TBKBP1: variants seen among roughly 807,000 people sequenced by gnomAD.
TBKBP1 encodes TANK-binding kinase 1-binding protein 1.
In TBKBP1, 47 loss-of-function variants were observed where a neutral mutation model predicts 69.9. The observed-to-expected ratio is 0.67, with a 90% CI of 0.53 to 0.86. TBKBP1 has a LOEUF of 0.86. Among genes scored for constraint, TBKBP1 ranks in the 40% least tolerant of loss-of-function variants. The pLI is 0.00. For missense variants in TBKBP1, 831 were observed against 858.6 expected, an observed-to-expected ratio of 0.97 and a Z score of 0.40; for synonymous variants, 418 against 390.3, an observed-to-expected ratio of 1.07 and a Z score of -0.84.
chr17:47,710,458 G>A, intron 9 of TBKBP1, 40 bp from the exon 10 acceptor site: 1 of 1,584,430 alleles, frequency 6.3e-7, no homozygotes, highest in African/African-American at 1.3e-5. Flanking sequence ...ACCATGGGTG[G>A]GGGCTGGGGA....
In TBKBP1 at chr17:47,699,834, T is replaced by C. The variant is rs1422634585; in HGVS notation, c.872+137T>C. 3.9e-6 allele frequency: 4 copies of C among 1,037,776 alleles called. No individual in the cohort carries two copies. In the Admixed American group the frequency reaches 9.6e-5, roughly 25 times the overall value. The allele number at this position is 1,037,776 out of a possible 1,614,324, so 64.3% of individuals were successfully genotyped here. On this transcript the variant is annotated intron_variant, in intron 7 of 9. Transcript: ENST00000578982. ...GAAGGAGGTGGGGTTCTTTTTTTTT[T>C]TTTTTGAGATGGAGTTTCGCTCTTG...
At chr17:47,701,282 C>G (rs538014050) in intron 7 of TBKBP1, among the ~76,000 whole-genome samples, 7 of 152,024 alleles carry the variant, frequency 4.6e-5, no homozygotes, top group African/African-American at 1.7e-4. Context: ...GAGGGTCCAC[C>G]CTAGCTTGTG....
Position 47,696,049 on chromosome 17 carries a change from C to T in TBKBP1, c.-34-30C>T. The T allele has an allele frequency of 3.0e-6, 4 of 1,313,640 alleles. 1 individual carries two copies. The South Asian group carries it at 5.4e-5, about 18-fold the overall frequency. The allele number at this position is 1,313,640 out of a possible 1,614,324, so 81.4% of individuals were successfully genotyped here. On this transcript the variant is annotated intron_variant, in intron 1 of 9. Transcript: ENST00000578982. The stretch of plus-strand genomic sequence containing the variant: ...CCAGGGACAAACCCTAGACAGACGG[C>T]CCTGTCCACGGTTGCTCCTGCTCTC...
At chr17:47,710,025 G>C (rs1305799196) in intron 9 of TBKBP1, among the ~76,000 whole-genome samples, 2 of 152,126 alleles carry the variant, frequency 1.3e-5, no homozygotes, top group Non-Finnish European at 2.9e-5. Flanking sequence ...TTTTCTGTCT[G>C]TCCTGAAAGA....
Position 47,708,350 on chromosome 17 carries a change from G to C in TBKBP1, c.873-44G>C, listed in dbSNP as rs1489682961. 5.0e-6 allele frequency: 8 copies of C among 1,602,480 alleles called. No individual in the cohort carries two copies. In the Admixed American group the frequency reaches 1.2e-4, roughly 23 times the overall value. On this transcript the variant is annotated intron_variant, in intron 7 of 9. Coordinates refer to ENST00000578982, the MANE Select transcript of TBKBP1 (RefSeq NM_001394755.1). The surrounding 1 kb of genome is among the most constrained non-coding windows in gnomAD (Gnocchi z 4.4). ...TTCTTCCTCCACAGCTGGGACGGTA[G>C]ACCCACTGCCCTTCTCGTCTTTCCC...
Position 47,711,850 on chromosome 17 carries a change from C to T in TBKBP1, c.*1224C>T, listed in dbSNP as rs2031936446. 1 of 152,624 alleles carries T rather than the reference C, an allele frequency of 6.6e-6. No individual in the cohort carries two copies. The highest frequency in any genetic ancestry group is 6.5e-5 in the Admixed American group (1 of 15,286). The allele number at this position is 152,624 out of a possible 1,614,324, so 9.5% of individuals were successfully genotyped here. On this transcript the variant is annotated 3_prime_UTR_variant, in exon 10 of 10. Coordinates refer to ENST00000578982, the MANE Select transcript of TBKBP1 (RefSeq NM_001394755.1). ...ATGTCCCGCTCTTATCCAACTCTTC[C>T]AGGCCCCACCTCCCTGCACCCCTCC...
At chr17:47,695,007 G>A (rs935921585) in intron 1 of TBKBP1, among the ~76,000 whole-genome samples, 2 of 151,552 alleles carry the variant, frequency 1.3e-5, no homozygotes, top group African/African-American at 2.4e-5. Context: ...CCCCCTCTCC[G>A]GGGTGCACAT....
intron 2 of TBKBP1, 29 bp downstream of exon 2, chr17:47,696,366 T>C (rs757134571): frequency 6.2e-7 from 1 of 1,605,632 alleles, no homozygotes; most frequent in South Asian, 1.1e-5. Context: ...GGGCGCCTGA[T>C]AGAGTGTATG....
chr17:47,698,842 T>C (rs982829203), intron 5 of TBKBP1, 67 bp downstream of exon 5: 2 of 1,353,368 alleles, frequency 1.5e-6, no homozygotes, highest in Admixed American at 2.9e-5. Flanking sequence ...CCTAGACACC[T>C]CGCACTTACT....
intron 1 of TBKBP1, chr17:47,695,494 C>G (rs2031186475): frequency 6.6e-6 from 1 of 152,546 alleles, no homozygotes; most frequent in African/African-American, 2.4e-5. Flanking sequence ...GGTCCTGGAC[C>G]GCTGCCACAG....
At chr17:47,696,488 A>G (rs534086647) in intron 2 of TBKBP1, among the ~76,000 whole-genome samples, 151 bp downstream of exon 2, 1 of 152,254 alleles carries the variant, frequency 6.6e-6, no homozygotes, top group South Asian at 2.1e-4. Flanking sequence ...GCTGTTCCGG[A>G]TGCGAACTGT....
At chr17:47,703,933 C>T (rs779147445) in intron 7 of TBKBP1, among the ~76,000 whole-genome samples, 3 of 152,154 alleles carry the variant, frequency 2.0e-5, no homozygotes, top group Non-Finnish European at 2.9e-5. Context: ...CTGAGCAGAT[C>T]GGGTGATGGC....
At position 47,699,440 on chromosome 17, in the gene TBKBP1, C is replaced by A; in HGVS notation, c.755C>A (p.Ala252Asp). Residue 252 changes from alanine (A) to aspartate (D), a missense_variant, in exon 6 of 10, where the codon GCC becomes GAC. Coordinates refer to ENST00000578982, the MANE Select transcript of TBKBP1 (RefSeq NM_001394755.1). ...GAQLREEQLQAECERLQGELK... is the reference protein window; with the variant it reads ...GAQLREEQLQDECERLQGELK... ...CAGCTCCGGGAGGAGCAGCTCCAGG[C>A]CGAGTGCGAGCGGCTGCAGGGGGAG... 2 of 1,571,022 alleles carry A rather than the reference C, an allele frequency of 1.3e-6. No individual in the cohort carries two copies.
At chr17:47,696,475 G>A (rs1407331840) in intron 2 of TBKBP1, 138 bp downstream of exon 2, 6 of 1,168,334 alleles carry the variant, frequency 5.1e-6, no homozygotes, top group Non-Finnish European at 5.9e-6. Flanking sequence ...CATGAGAGAC[G>A]TGGCTGTTCC....
chr17:47,705,439 T>A (rs2031663130), intron 7 of TBKBP1, among the ~76,000 whole-genome samples: 1 of 152,224 alleles, frequency 6.6e-6, no homozygotes, highest in Non-Finnish European at 1.5e-5. Flanking sequence ...AAACAGATCA[T>A]CCGATTCTTT....
At chr17:47,705,070 C>T (rs2031650209) in intron 7 of TBKBP1, among the ~76,000 whole-genome samples, 1 of 152,196 alleles carries the variant, frequency 6.6e-6, no homozygotes, top group Admixed American at 6.5e-5. Flanking sequence ...TCCTATCACC[C>T]CCAGGGAAGG....
chr17:47,700,327 T>C (rs1299086230), intron 7 of TBKBP1, among the ~76,000 whole-genome samples: 2 of 138,950 alleles, frequency 1.4e-5, no homozygotes, highest in African/African-American at 5.5e-5. Flanking sequence ...GGATTTTTAG[T>C]AGAGATGGGG....
chr17:47,708,362 T>G lies in TBKBP1; in HGVS notation c.873-32T>G. On this transcript the variant is annotated intron_variant, in intron 7 of 9. Transcript: ENST00000578982. This position sits in a 1 kb window ranked among gnomAD's most constrained non-coding sequence, Gnocchi z 4.4. ...AGCTGGGACGGTAGACCCACTGCCC[T>G]TCTCGTCTTTCCCACTGCCCTCTGA... The G allele has an allele frequency of 6.2e-7, 1 of 1,611,652 alleles. No homozygotes were observed. Among genetic ancestry groups the G allele is most frequent in the Non-Finnish European group, 8.5e-7 (1 of 1,177,954 alleles).
Position 47,708,819 on chromosome 17 carries a change from GTGC to G in TBKBP1, c.1087_1089del (p.Cys363del). Reference sequence around the variant, plus strand: ...CCCGAGCGGCTCCCCCGTGCCCCCCGTGCCAGTCCCCCGTCCCCCAGCGCCGCT... The same window carrying G: ...CCCGAGCGGCTCCCCCGTGCCCCCCGCAGTCCCCCGTCCCCCAGCGCCGCT... On this transcript the variant is annotated inframe_deletion, in exon 9 of 10. Coordinates refer to ENST00000578982, the MANE Select transcript of TBKBP1 (RefSeq NM_001394755.1). This position sits in a 1 kb window ranked among gnomAD's most constrained non-coding sequence, Gnocchi z 4.4. 2 of 475,856 alleles carry G rather than the reference GTGC, an allele frequency of 4.2e-6. No individual in the cohort carries two copies. Among genetic ancestry groups the G allele is most frequent in the Non-Finnish European group, 6.7e-6 (2 of 298,764 alleles). 29.5% of individuals were successfully genotyped at this position (475,856 alleles called of 1,614,324 possible).
Sources: gnomAD v4.1 joint callset for allele counts (sites outside exome capture counted in the v4.1 genomes callset) on GRCh38, gnomAD v4.1.1 for gene constraint, Gnocchi (gnomAD v3.1) non-coding constraint, MANE v1.5 for transcripts, NCBI Gene and HGNC (gene_info 2026-07-23, HGNC 2026-07-21) for gene names.